UQCC6: variants seen among roughly 807,000 people sequenced by gnomAD.
The protein encoded by UQCC6 is ubiquinol-cytochrome c reductase complex assembly factor 6.
chr12:103,964,797 T>C, the UQCC6 span, among the ~76,000 whole-genome samples: 1 of 152,218 alleles, frequency 6.6e-6, no homozygotes, highest in Non-Finnish European at 1.5e-5. Flanking sequence ...ATGTGCCAGG[T>C]TCTGAGTAGT....
chr12:103,950,532 C>G, the UQCC6 span: 43 of 152,282 alleles, frequency 2.8e-4, no homozygotes, highest in African/African-American at 9.6e-4. Flanking sequence ...CCACCATAGC[C>G]GAGGCAATCC....
the UQCC6 span, chr12:103,956,892 C>A: frequency 6.7e-6 from 4 of 594,678 alleles, no homozygotes; most frequent in Non-Finnish European, 1.2e-5. Context: ...CCCAACCCCA[C>A]GCCTCGGTTT....
chr12:103,963,359 A>G, the UQCC6 span, among the ~76,000 whole-genome samples: 1 of 152,190 alleles, frequency 6.6e-6, no homozygotes, highest in Admixed American at 6.5e-5. Context: ...TACAGGCATG[A>G]GCCACTGCGC....
chr12:103,957,768 G>A, the UQCC6 span, among the ~76,000 whole-genome samples: 2 of 151,584 alleles, frequency 1.3e-5, no homozygotes, highest in African/African-American at 4.8e-5. Flanking sequence ...GCCGGGGGCG[G>A]TGGCTTACGC....
the UQCC6 span, among the ~76,000 whole-genome samples, chr12:103,953,905 A>G: frequency 6.6e-6 from 1 of 152,228 alleles, no homozygotes; most frequent in Non-Finnish European, 1.5e-5. Flanking sequence ...CCTGATGTCT[A>G]TTCCTGCACA....
chr12:103,956,128 A>G, the UQCC6 span, among the ~76,000 whole-genome samples: 2 of 143,014 alleles, frequency 1.4e-5, no homozygotes, highest in African/African-American at 5.1e-5. Context: ...CAGAGGAGGA[A>G]TTCTTTGGGA....
chr12:103,958,812 C>T, the UQCC6 span, among the ~76,000 whole-genome samples: 634 of 152,294 alleles, frequency 4.2e-3, 2 homozygotes, highest in Non-Finnish European at 7.0e-3. Context: ...GAGTCACATA[C>T]GGTTACAACT....
the UQCC6 span, among the ~76,000 whole-genome samples, chr12:103,961,192 AT>A: frequency 2.0e-5 from 3 of 146,726 alleles, no homozygotes; most frequent in African/African-American, 7.5e-5. Context: ...AAAAAAAAAA[AT>A]TAAAAACAGA....
the UQCC6 span, chr12:103,954,858 G>A: frequency 1.5e-6 from 1 of 680,406 alleles, no homozygotes; most frequent in Non-Finnish European, 2.7e-6. Context: ...ATGAACAGGA[G>A]CAAAAAAGAG....
chr12:103,953,598 G>T, the UQCC6 span: 2 of 702,066 alleles, frequency 2.8e-6, no homozygotes, highest in Admixed American at 4.0e-5. Context: ...AAAAGACATA[G>T]GTAAAGAACA....
the UQCC6 span, chr12:103,956,404 T>C: frequency 2.1e-6 from 1 of 483,574 alleles, no homozygotes; most frequent in Non-Finnish European, 3.7e-6. Context: ...GTGTAAGACC[T>C]CACAGGCCAT....
the UQCC6 span, chr12:103,953,388 G>A: frequency 1.4e-6 from 1 of 702,126 alleles, no homozygotes; most frequent in Non-Finnish European, 2.6e-6. Flanking sequence ...CTATTCAGAT[G>A]AGCTGAGCTG....
the UQCC6 span, among the ~76,000 whole-genome samples, chr12:103,959,746 A>C: frequency 6.6e-6 from 1 of 152,048 alleles, no homozygotes; most frequent in African/African-American, 2.4e-5. Flanking sequence ...TTTTTAAAAA[A>C]GAAATTGCCA....
the UQCC6 span, chr12:103,956,530 A>G: frequency 2.6e-6 from 2 of 767,442 alleles, no homozygotes; most frequent in South Asian, 3.2e-5. Flanking sequence ...GTGGTCCAGG[A>G]GCATCTGCAT....
At chr12:103,956,123 G>T in the UQCC6 span, among the ~76,000 whole-genome samples, 1 of 150,978 alleles carries the variant, frequency 6.6e-6, no homozygotes, top group East Asian at 2.0e-4. Context: ...AATCGCAGAG[G>T]AGGAATTCTT....
the UQCC6 span, among the ~76,000 whole-genome samples, chr12:103,961,634 G>A: frequency 2.0e-5 from 3 of 151,988 alleles, no homozygotes; most frequent in Non-Finnish European, 4.4e-5. Context: ...TCGGCTCATT[G>A]CAACCTCTGC....
chr12:103,956,595 A>G, the UQCC6 span: 1 of 1,353,926 alleles, frequency 7.4e-7, no homozygotes, highest in Non-Finnish European at 1.0e-6. Context: ...AGGTATATTT[A>G]GCTCAAAAAT....
chr12:103,956,154 C>A, the UQCC6 span: 1 of 160,068 alleles, frequency 6.2e-6, no homozygotes, highest in Non-Finnish European at 1.3e-5. Context: ...CCCAAGGACC[C>A]TCATTGCTGG....
the UQCC6 span, among the ~76,000 whole-genome samples, chr12:103,963,606 A>G: frequency 6.6e-6 from 1 of 152,124 alleles, no homozygotes; most frequent in African/African-American, 2.4e-5. Flanking sequence ...CCGTGTACTT[A>G]TTTAGTTCTT....
Sources: allele counts gnomAD v4.1 joint callset (sites outside exome capture counted in the v4.1 genomes callset), GRCh38; gene constraint gnomAD v4.1.1; transcripts MANE v1.5; gene names NCBI Gene and HGNC (gene_info 2026-07-23, HGNC 2026-07-21).